Variants in CACNB4 observed in about 807,000 individuals in gnomAD.
CACNB4 encodes voltage-dependent L-type calcium channel subunit beta-4.
In CACNB4, 32 loss-of-function variants were observed where a neutral mutation model predicts 71.2. The observed-to-expected ratio is 0.45, with a 90% CI of 0.34 to 0.60. The LOEUF (loss-of-function observed/expected upper bound fraction) is 0.60, where lower values mean the gene tolerates loss of function less well. CACNB4 is among the 20% of genes least tolerant of loss of function. The probability of loss-of-function intolerance (pLI) is 0.01; values close to 1 mark genes in which losing one functional copy is unlikely to be tolerated. For synonymous variants in CACNB4, 231 were observed against 236.9 expected (o/e 0.97, Z 0.23); for missense variants, 464 against 647.9 (o/e 0.72, Z 3.08).
chr2:151,996,369 A>G (rs1450413561), intron 2 of CACNB4, among the ~76,000 whole-genome samples: 1 of 152,062 alleles, frequency 6.6e-6, no homozygotes, highest in Non-Finnish European at 1.5e-5. Flanking sequence ...GACCCCCTCA[A>G]GAGTCACTGT....
intron 2 of CACNB4, among the ~76,000 whole-genome samples, chr2:152,078,786 A>ATC (rs1560184855): frequency 6.6e-6 from 1 of 152,192 alleles, no homozygotes; most frequent in East Asian, 1.9e-4. Flanking sequence ...TGGACCACTG[A>ATC]TCTCTTGGAA....
intron 2 of CACNB4, among the ~76,000 whole-genome samples, chr2:151,946,083 C>T (rs2099865520): frequency 6.6e-6 from 1 of 152,064 alleles, no homozygotes; most frequent in South Asian, 2.1e-4. Flanking sequence ...AATCCTAGCA[C>T]TTTGGGAGGC....
chr2:151,899,620 C>G (rs1023883080), intron 2 of CACNB4, among the ~76,000 whole-genome samples: 2 of 152,186 alleles, frequency 1.3e-5, no homozygotes, highest in Non-Finnish European at 2.9e-5. Context: ...AATGAAAGAA[C>G]CCCTTCAGGT....
intron 12 of CACNB4, among the ~76,000 whole-genome samples, chr2:151,846,261 C>T (rs913470326): frequency 7.9e-5 from 12 of 152,126 alleles, no homozygotes; most frequent in African/African-American, 2.7e-4. Flanking sequence ...CTACTTTTTA[C>T]AGAAGATACA....
intron 9 of CACNB4, chr2:151,866,165 T>C (rs1247572652): frequency 1.3e-5 from 2 of 152,196 alleles, no homozygotes; most frequent in African/African-American, 2.4e-5. Context: ...AATAAGTAGC[T>C]CTAAACTGAC....
chr2:152,094,016 T>C (rs545833543), intron 2 of CACNB4, among the ~76,000 whole-genome samples: 30 of 152,236 alleles, frequency 2.0e-4, no homozygotes, highest in Non-Finnish European at 3.5e-4. Context: ...TATACTATGC[T>C]AGATGCTGAG....
intron 12 of CACNB4, 120 bp downstream of exon 12, chr2:151,853,328 T>A: frequency 1.7e-6 from 1 of 603,992 alleles, no homozygotes. Context: ...AGAAATCTTT[T>A]AGATGACAAC....
chr2:151,979,023 TC>T (rs2099874260), intron 2 of CACNB4, among the ~76,000 whole-genome samples: 1 of 152,010 alleles, frequency 6.6e-6, no homozygotes, highest in African/African-American at 2.4e-5. Flanking sequence ...CCCAGCGCTC[TC>T]CCACTGGCCT....
intron 12 of CACNB4, among the ~76,000 whole-genome samples, chr2:151,842,553 C>T (rs1002781863): frequency 5.9e-5 from 9 of 151,862 alleles, no homozygotes; most frequent in Admixed American, 3.9e-4. Context: ...CCAGGCTGGT[C>T]TTGAACTCTT....
At chr2:151,996,089 C>A (rs1406200287) in intron 2 of CACNB4, among the ~76,000 whole-genome samples, 1 of 152,186 alleles carries the variant, frequency 6.6e-6, no homozygotes, top group African/African-American at 2.4e-5. Context: ...ACATGGTAAT[C>A]CTTCAGACAA....
chr2:151,961,720 A>T (rs2099869700), intron 2 of CACNB4, among the ~76,000 whole-genome samples: 1 of 151,872 alleles, frequency 6.6e-6, no homozygotes, highest in African/African-American at 2.4e-5. Context: ...GTGAGACCCT[A>T]CCTCTACAAA....
At chr2:151,932,723 AG>A (rs2151607064) in intron 2 of CACNB4, among the ~76,000 whole-genome samples, 1 of 150,234 alleles carries the variant, frequency 6.7e-6, no homozygotes, top group South Asian at 2.2e-4. Flanking sequence ...TCAGCCACTT[AG>A]GAGGCTGAGG....
chr2:152,022,691 TA>T, intron 2 of CACNB4, among the ~76,000 whole-genome samples: 1 of 152,218 alleles, frequency 6.6e-6, no homozygotes, highest in East Asian at 1.9e-4. Flanking sequence ...CTCCTACACT[TA>T]GACTCTTGGT....
chr2:151,886,195 A>G (rs913195249), intron 2 of CACNB4, among the ~76,000 whole-genome samples: 1 of 152,200 alleles, frequency 6.6e-6, no homozygotes, highest in Non-Finnish European at 1.5e-5. Flanking sequence ...GTGATGGACC[A>G]TTCTAAGGGA....
chr2:152,062,534 G>C (rs140449016), intron 2 of CACNB4, among the ~76,000 whole-genome samples: 10 of 152,170 alleles, frequency 6.6e-5, no homozygotes, highest in Admixed American at 4.6e-4. Flanking sequence ...GCAAGCCAAG[G>C]GGGTACATAC....
chr2:151,836,993 T>TA lies in CACNB4; in HGVS notation c.*2125dup, dbSNP rs1300069902. 3 of 151,998 alleles carry TA rather than the reference T, an allele frequency of 2.0e-5. No individual in the cohort carries two copies. The highest frequency in any genetic ancestry group is 7.2e-5 in the African/African-American group (3 of 41,446). 9.4% of individuals were successfully genotyped at this position (151,998 alleles called of 1,614,324 possible). A position where few individuals can be genotyped will look rare whatever the true frequency, so the allele number is the denominator to read the frequency against. On this transcript the variant is annotated 3_prime_UTR_variant, in exon 14 of 14. Transcript: ENST00000539935. ...AAAGCATATAGAAAAATGTTTTGGC[T>TA]AATGTTTTCTTTCTCATGCAAGTAT...
intron 2 of CACNB4, among the ~76,000 whole-genome samples, chr2:152,025,553 T>C (rs1348498716): frequency 2.0e-5 from 3 of 152,202 alleles, no homozygotes; most frequent in African/African-American, 7.2e-5. Context: ...AAAAGAATGA[T>C]TGCCCAGGGG....
intron 2 of CACNB4, among the ~76,000 whole-genome samples, chr2:151,924,300 G>C (rs1012288941): frequency 4.6e-5 from 7 of 151,326 alleles, no homozygotes; most frequent in Non-Finnish European, 8.8e-5. Flanking sequence ...GGATGGTCTT[G>C]ATCTCCTGAC....
chr2:151,980,255 G>A (rs552903721), intron 2 of CACNB4, among the ~76,000 whole-genome samples: 37 of 152,052 alleles, frequency 2.4e-4, no homozygotes, highest in Admixed American at 6.5e-4. Context: ...GCTTCCCATC[G>A]AAAAACCCAA....
Sources: gnomAD v4.1 joint callset for allele counts (sites outside exome capture counted in the v4.1 genomes callset) on GRCh38, gnomAD v4.1.1 for gene constraint, MANE v1.5 for transcripts, NCBI Gene and HGNC (gene_info 2026-07-23, HGNC 2026-07-21) for gene names.